The following UBE4B variants were observed in gnomAD, a reference collection of about 807,000 sequenced individuals.
The protein encoded by UBE4B is ubiquitination factor E4B.
UBE4B carries 27 observed loss-of-function variants against 148.1 expected under a neutral mutation model. That is an observed-to-expected ratio of 0.18 (90% confidence interval 0.13 to 0.25). The LOEUF (loss-of-function observed/expected upper bound fraction) is 0.25, where lower values mean the gene tolerates loss of function less well. Ranked by LOEUF, UBE4B falls within the 10% of genes least tolerant of loss-of-function variation. The pLI is 1.00. For missense variants in UBE4B, 1,170 were observed against 1,662.4 expected (o/e 0.70, Z 5.15); for synonymous variants, 596 against 619.3 (o/e 0.96, Z 0.56).
chr1:10,162,630 T>A (rs540866170), intron 23 of UBE4B, among the ~76,000 whole-genome samples: 1 of 152,062 alleles, frequency 6.6e-6, no homozygotes, highest in Admixed American at 6.6e-5. Context: ...TTTTTCTTTT[T>A]TAATTTCAAC....
At chr1:10,063,376 A>C (rs1644324567) in intron 1 of UBE4B, among the ~76,000 whole-genome samples, 1 of 152,194 alleles carries the variant, frequency 6.6e-6, no homozygotes, top group African/African-American at 2.4e-5. Flanking sequence ...CATCTTCTTA[A>C]AATCTCCTTC....
At chr1:10,158,576 C>G in intron 22 of UBE4B, 94 bp downstream of exon 22, 5 of 1,496,252 alleles carry the variant, frequency 3.3e-6, no homozygotes, top group Non-Finnish European at 4.5e-6. Context: ...TTCTTGTTGA[C>G]TGTTTGCTTG....
intron 2 of UBE4B, among the ~76,000 whole-genome samples, chr1:10,091,065 T>C (rs960635342): frequency 1.8e-4 from 27 of 152,250 alleles, no homozygotes; most frequent in African/African-American, 6.5e-4. Flanking sequence ...TGCTAATTCC[T>C]GTTTCCTGAA....
chr1:10,147,780 G>A (rs1384967639), intron 19 of UBE4B, among the ~76,000 whole-genome samples: 2 of 152,102 alleles, frequency 1.3e-5, no homozygotes, highest in African/African-American at 4.8e-5. Flanking sequence ...TAAGAACATT[G>A]TTGATCACTT....
chr1:10,050,119 G>A (rs922998233), intron 1 of UBE4B, among the ~76,000 whole-genome samples: 1 of 152,134 alleles, frequency 6.6e-6, no homozygotes, highest in Non-Finnish European at 1.5e-5. Context: ...TGTCACCCAG[G>A]CTGGAGTGCA....
intron 24 of UBE4B, among the ~76,000 whole-genome samples, chr1:10,169,675 A>G (rs920081802): frequency 1.3e-5 from 2 of 152,224 alleles, no homozygotes; most frequent in Admixed American, 6.5e-5. Context: ...ACACCCACCT[A>G]TTTTGTACAC....
intron 1 of UBE4B, among the ~76,000 whole-genome samples, chr1:10,043,804 T>C (rs1427717650): frequency 6.6e-6 from 1 of 152,208 alleles, no homozygotes; most frequent in Non-Finnish European, 1.5e-5. Context: ...ATTTCCTGTT[T>C]AGGTGTGAAC....
chr1:10,118,527 G>A lies in UBE4B; in HGVS notation c.1338+927G>A, dbSNP rs563705841. ...TAATTTTTTTTTTTTCTTTTGAGAC[G>A]GAGTTTCACTCTTGTTGCCCAGGCT... On this transcript the variant is annotated intron_variant, in intron 8 of 27. Coordinates refer to ENST00000343090, the MANE Select transcript of UBE4B (RefSeq NM_001105562.3). Among the ~76,000 whole-genome samples the A allele has an allele frequency of 9.3e-5, 14 of 150,304 alleles. 1 individual carries two copies. The highest frequency in any genetic ancestry group is 3.2e-4 in the African/African-American group (13 of 40,808).
intron 20 of UBE4B, 23 bp downstream of exon 20, chr1:10,149,305 A>T: frequency 2.6e-6 from 4 of 1,532,214 alleles, no homozygotes; most frequent in Non-Finnish European, 3.6e-6. Flanking sequence ...AATATTTTAC[A>T]TAGTTCTAAT....
At chr1:10,119,424 A>G in intron 8 of UBE4B, 89 bp from the exon 9 acceptor site, 8 of 1,295,116 alleles carry the variant, frequency 6.2e-6, no homozygotes, top group Non-Finnish European at 8.8e-6. Context: ...CTGTTTACTG[A>G]TGGTCCATCC....
Position 10,033,574 on chromosome 1 carries a change from A to AAT in UBE4B, c.-97_-96insAT. 5 of 1,371,436 alleles carry AAT rather than the reference A, an allele frequency of 3.6e-6. No homozygotes were observed. The highest frequency in any genetic ancestry group is 3.8e-6 in the Non-Finnish European group (4 of 1,040,172). The allele number at this position is 1,371,436 out of a possible 1,614,324, so 85.0% of individuals were successfully genotyped here. ...AAACCTCCCCCATTCGGGGGACCAGACAGCCTGATAGACACCTTCCACTCT... is the reference window on the plus strand; with the variant it reads ...AAACCTCCCCCATTCGGGGGACCAGAATCAGCCTGATAGACACCTTCCACTCT... On this transcript the variant is annotated 5_prime_UTR_variant, in exon 1 of 28. Coordinates refer to ENST00000343090, the MANE Select transcript of UBE4B (RefSeq NM_001105562.3).
intron 1 of UBE4B, among the ~76,000 whole-genome samples, chr1:10,047,124 A>G (rs1432352465): frequency 1.3e-5 from 2 of 152,188 alleles, no homozygotes; most frequent in East Asian, 1.9e-4. Context: ...CCCTAAGCCA[A>G]TGCTGCATAT....
intron 21 of UBE4B, among the ~76,000 whole-genome samples, chr1:10,156,856 G>A (rs1311913028): frequency 1.5e-4 from 23 of 152,054 alleles, no homozygotes; most frequent in Admixed American, 1.5e-3. Context: ...ACAAAAAAAT[G>A]TGTTCTTTGG....
intron 14 of UBE4B, 49 bp from the exon 15 acceptor site, chr1:10,132,320 T>C (rs1645609787): frequency 1.4e-6 from 2 of 1,463,952 alleles, no homozygotes; most frequent in Middle Eastern, 1.8e-4. Context: ...AAAGGAATCA[T>C]GTGCAAAATA....
intron 3 of UBE4B, among the ~76,000 whole-genome samples, chr1:10,099,545 C>T (rs1330245808): frequency 3.3e-5 from 5 of 151,922 alleles, no homozygotes; most frequent in African/African-American, 1.2e-4. Flanking sequence ...ATTACTTCTC[C>T]CCAAGTTGAT....
At chr1:10,170,857 A>G (rs1291830758) in intron 24 of UBE4B, 1 of 253,256 alleles carries the variant, frequency 3.9e-6, no homozygotes, top group Non-Finnish European at 7.4e-6. Context: ...TTTTTAATTA[A>G]AAGCATAAAT....
At chr1:10,040,553 A>C (rs924641749) in intron 1 of UBE4B, among the ~76,000 whole-genome samples, 1 of 151,752 alleles carries the variant, frequency 6.6e-6, no homozygotes, top group African/African-American at 2.4e-5. Context: ...CACCAAAAAG[A>C]TGAGTCCACA....
intron 1 of UBE4B, among the ~76,000 whole-genome samples, chr1:10,053,664 C>T (rs1004252805): frequency 9.9e-5 from 15 of 151,912 alleles, no homozygotes; most frequent in East Asian, 1.9e-4. Context: ...TCTCCCTACC[C>T]GCTGCATGGC....
At chr1:10,076,366 T>G (rs1360566509) in intron 2 of UBE4B, among the ~76,000 whole-genome samples, 1 of 151,704 alleles carries the variant, frequency 6.6e-6, no homozygotes, top group Non-Finnish European at 1.5e-5. Context: ...TGCCTCAGCC[T>G]CCTAAGTAGC....
Sources: gnomAD v4.1 joint callset for allele counts (sites outside exome capture counted in the v4.1 genomes callset) on GRCh38, gnomAD v4.1.1 for gene constraint, MANE v1.5 for transcripts, NCBI Gene and HGNC (gene_info 2026-07-23, HGNC 2026-07-21) for gene names.